Variants in EPHA6 observed in about 807,000 individuals in gnomAD.
EPHA6 encodes the protein ephrin type-A receptor 6.
Under a neutral mutation model 112.0 loss-of-function variants are expected in EPHA6, and 50 were observed. The ratio of observed to expected loss-of-function variants is 0.45; its 90% CI spans 0.36 to 0.56. EPHA6 has a LOEUF of 0.56. Among genes scored for constraint, EPHA6 ranks in the 20% least tolerant of loss-of-function variants. EPHA6 has a pLI of 0.00. For synonymous variants in EPHA6, 529 were observed against 490.7 expected (o/e 1.08, Z -1.03); for missense variants, 1,280 against 1,417.4 (o/e 0.90, Z 1.56).
rs114590751 is a variant in EPHA6, at chr3:97,316,039, T to G, written c.1606+71752T>G. ...TTTGCTCAAACATATAGCTAATGGG[T>G]TGTATGTAATTAATGATTCTCAAAC... On this transcript the variant is annotated intron_variant, in intron 5 of 17. Coordinates refer to ENST00000389672, the MANE Select transcript of EPHA6 (RefSeq NM_001080448.3). 3.7e-3 allele frequency among the ~76,000 whole-genome samples: 557 copies of G among 151,902 alleles called. 7 individuals are homozygous for G. Among genetic ancestry groups the G allele is most frequent in the African/African-American group, 0.013 (519 of 41,434 alleles).
chr3:97,433,880 A>G (rs542330248), intron 6 of EPHA6, among the ~76,000 whole-genome samples: 11 of 152,200 alleles, frequency 7.2e-5, no homozygotes, highest in African/African-American at 2.6e-4. Flanking sequence ...GATACATGAG[A>G]ACAGTCATCA....
intron 7 of EPHA6, among the ~76,000 whole-genome samples, chr3:97,470,435 G>T (rs1435651168): frequency 1.3e-5 from 2 of 151,536 alleles, no homozygotes; most frequent in East Asian, 3.9e-4. Context: ...TAACAGAAAA[G>T]AGTTAACTTT....
intron 1 of EPHA6, among the ~76,000 whole-genome samples, chr3:96,834,379 TA>T: frequency 6.6e-6 from 1 of 152,078 alleles, no homozygotes; most frequent in East Asian, 1.9e-4. Flanking sequence ...GTTTTCCTGT[TA>T]AAAAAGAAGA....
chr3:97,241,877 C>A lies in EPHA6; in HGVS notation c.1271-2075C>A, dbSNP rs372083266. On this transcript the variant is annotated intron_variant, in intron 4 of 17. Transcript: ENST00000389672. Reference sequence around the variant, plus strand: ...TGAAAATATAAGTGAATAATAATTCCTGCTTTCCATTATAAATAAGAGAAA... The same window carrying A: ...TGAAAATATAAGTGAATAATAATTCATGCTTTCCATTATAAATAAGAGAAA... Among the ~76,000 whole-genome samples, 78 of 150,806 alleles carry A rather than the reference C, an allele frequency of 5.2e-4. No homozygotes were observed. The South Asian group carries it at 0.015, about 30-fold the overall frequency.
chr3:97,488,540 A>AT (rs2091755761), intron 10 of EPHA6, among the ~76,000 whole-genome samples: 1 of 152,068 alleles, frequency 6.6e-6, no homozygotes, highest in Non-Finnish European at 1.5e-5. Context: ...AGAATATATT[A>AT]TTTTTTAGTT....
At chr3:97,300,030 A>G (rs531272605) in intron 5 of EPHA6, among the ~76,000 whole-genome samples, 1 of 152,308 alleles carries the variant, frequency 6.6e-6, no homozygotes, top group African/African-American at 2.4e-5. Context: ...TATACTCTGA[A>G]TGTTCAAAGG....
At position 96,987,793 on chromosome 3, in the gene EPHA6, T is replaced by C. The variant is rs1468552123; in HGVS notation, c.914T>C (p.Val305Ala). 6.2e-7 allele frequency: 1 copy of C among 1,614,052 alleles called. No homozygotes were observed. The part of the protein sequence containing the change: ...RVFYKKCPFT[V>A]RNLAMFPDTI... Reference sequence around the variant, plus strand: ...TTCTACAAGAAATGCCCCTTCACTGTTCGTAACTTGGCCATGTTTCCTGAT... The same window carrying C: ...TTCTACAAGAAATGCCCCTTCACTGCTCGTAACTTGGCCATGTTTCCTGAT... Residue 305 changes from valine to alanine, a missense_variant, in exon 3 of 18, where the codon GTT (valine) becomes GCT (alanine). By Grantham distance (64) the Val-to-Ala change is moderately conservative (BLOSUM62 0). Transcript: ENST00000389672.
intron 6 of EPHA6, among the ~76,000 whole-genome samples, chr3:97,427,143 A>G (rs2089185587): frequency 6.6e-6 from 1 of 152,200 alleles, no homozygotes; most frequent in South Asian, 2.1e-4. Flanking sequence ...GCGATTCCTC[A>G]AAGAGCTAAA....
At chr3:97,052,323 C>T (rs1395666497) in intron 3 of EPHA6, among the ~76,000 whole-genome samples, 2 of 152,126 alleles carry the variant, frequency 1.3e-5, no homozygotes, top group African/African-American at 2.4e-5. Flanking sequence ...ATTTTCAGTT[C>T]ATAGTTTAAT....
chr3:97,314,951 A>G (rs2081746273), intron 5 of EPHA6, among the ~76,000 whole-genome samples: 2 of 151,656 alleles, frequency 1.3e-5, no homozygotes. Context: ...AAAATACGTC[A>G]TAGATACAAA....
intron 3 of EPHA6, among the ~76,000 whole-genome samples, chr3:97,156,538 A>G (rs570529078): frequency 6.6e-6 from 1 of 152,192 alleles, no homozygotes; most frequent in Middle Eastern, 3.4e-3. Context: ...AGATACAATG[A>G]AAAAAAATTA....
intron 11 of EPHA6, among the ~76,000 whole-genome samples, chr3:97,533,688 C>T (rs2092721136): frequency 6.6e-6 from 1 of 151,762 alleles, no homozygotes. Context: ...CATGTTTGTA[C>T]GTTGGAGCTT....
intron 3 of EPHA6, among the ~76,000 whole-genome samples, chr3:97,135,306 G>A (rs1417689546): frequency 1.3e-5 from 2 of 151,996 alleles, no homozygotes; most frequent in Admixed American, 6.6e-5. Flanking sequence ...CATAAATTTC[G>A]GCTCCAGTTG....
chr3:97,719,058 A>G (rs1266156320), intron 14 of EPHA6, among the ~76,000 whole-genome samples: 1 of 137,514 alleles, frequency 7.3e-6, no homozygotes, highest in Non-Finnish European at 1.6e-5. Context: ...AATTGTTCCC[A>G]TTTTGGATGA....
chr3:97,588,397 C>T (rs573155609), intron 11 of EPHA6, among the ~76,000 whole-genome samples: 12 of 152,230 alleles, frequency 7.9e-5, no homozygotes, highest in Admixed American at 4.6e-4. Flanking sequence ...CTATTGTCTA[C>T]TTATAGATCT....
At position 97,252,120 on chromosome 3, in the gene EPHA6, G is replaced by A. The variant is rs1035409793; in HGVS notation, c.1606+7833G>A. ...CCTGTTCCCAAGTGTGTCTCAAGTA[G>A]GCCAGAACAGAAAAATATCAGCCAG... On this transcript the variant is annotated intron_variant, in intron 5 of 17. Coordinates refer to ENST00000389672, the MANE Select transcript of EPHA6 (RefSeq NM_001080448.3). Among the ~76,000 whole-genome samples the A allele has an allele frequency of 2.0e-5, 3 of 152,190 alleles. No homozygotes were observed. The East Asian group carries it at 5.8e-4, about 29-fold the overall frequency.
chr3:97,569,865 T>C (rs1363204961), intron 11 of EPHA6: 1 of 152,200 alleles, frequency 6.6e-6, no homozygotes, highest in Non-Finnish European at 1.5e-5. Context: ...CTGGTTCATG[T>C]TGGTCAAATG....
chr3:97,430,195 A>G (rs576932560), intron 6 of EPHA6, among the ~76,000 whole-genome samples: 1 of 152,296 alleles, frequency 6.6e-6, no homozygotes, highest in Admixed American at 6.5e-5. Context: ...TAAATAGTCT[A>G]TGCCTCATGA....
intron 6 of EPHA6, among the ~76,000 whole-genome samples, chr3:97,435,862 C>T (rs1218358575): frequency 6.6e-6 from 1 of 152,114 alleles, no homozygotes; most frequent in Non-Finnish European, 1.5e-5. Flanking sequence ...AATGACCTTG[C>T]TTTGCCTTGA....
Sources: allele counts gnomAD v4.1 joint callset (sites outside exome capture counted in the v4.1 genomes callset), GRCh38; gene constraint gnomAD v4.1.1; transcripts MANE v1.5; gene names NCBI Gene and HGNC (gene_info 2026-07-23, HGNC 2026-07-21).